The following SNUPN variants were observed in gnomAD, a reference collection of about 807,000 sequenced individuals.
SNUPN encodes the protein snurportin-1.
A neutral mutation model predicts 39.2 loss-of-function variants in SNUPN; 31 were observed. The ratio of observed to expected loss-of-function variants is 0.79; its 90% CI spans 0.59 to 1.07. The LOEUF is 1.07. SNUPN is among the 50% of genes least tolerant of loss of function. The pLI is 0.00. For synonymous variants in SNUPN, 132 were observed against 159.0 expected (o/e 0.83, Z 1.28); for missense variants, 382 against 434.2 (o/e 0.88, Z 1.07).
chr15:75,610,908 G>A (rs184167096), intron 3 of SNUPN, among the ~76,000 whole-genome samples: 24 of 152,180 alleles, frequency 1.6e-4, no homozygotes, highest in African/African-American at 5.5e-4. Flanking sequence ...GGTGGCTCAC[G>A]CCTGTAGTCC....
intron 8 of SNUPN, chr15:75,600,923 T>C (rs2075280500): frequency 2.1e-6 from 1 of 479,308 alleles, no homozygotes; most frequent in African/African-American, 2.0e-5. Context: ...GAGCTGTCCA[T>C]TAAGGGCCCT....
rs780178152 is a variant in SNUPN, at chr15:75,601,070, C to T, written c.759+68G>A. On this transcript the variant is annotated intron_variant, in intron 8 of 8. Coordinates refer to ENST00000308588, the MANE Select transcript of SNUPN (RefSeq NM_005701.4). ...AGCACAATCAAGGAATATTTTAAGA[C>T]TTTGTGTAACTAAGTCTCTCTGCAG... The T allele has an allele frequency of 1.7e-5, 19 of 1,132,052 alleles. No homozygotes were observed. In the African/African-American group the frequency reaches 2.7e-4, roughly 16 times the overall value. 70.1% of individuals were successfully genotyped at this position (1,132,052 alleles called of 1,614,324 possible).
intron 3 of SNUPN, among the ~76,000 whole-genome samples, chr15:75,615,565 C>T (rs1892902359): frequency 6.6e-6 from 1 of 151,602 alleles, no homozygotes; most frequent in Non-Finnish European, 1.5e-5. Context: ...TTCACACCCC[C>T]TCCTTCCTCC....
intron 3 of SNUPN, among the ~76,000 whole-genome samples, chr15:75,616,302 CA>C (rs1297825387): frequency 6.6e-6 from 1 of 151,704 alleles, no homozygotes; most frequent in East Asian, 2.0e-4. Context: ...ACTAAAAATA[CA>C]AAAACTTAGC....
intron 8 of SNUPN, among the ~76,000 whole-genome samples, chr15:75,599,488 C>A (rs1193412741): frequency 1.3e-5 from 2 of 152,200 alleles, no homozygotes; most frequent in African/African-American, 4.8e-5. Flanking sequence ...GATTGCTGCA[C>A]ACAGTGGAAA....
chr15:75,605,424 C>CG, intron 6 of SNUPN, 197 bp from the exon 7 acceptor site: 1 of 397,614 alleles, frequency 2.5e-6, no homozygotes, highest in Non-Finnish European at 4.6e-6. Context: ...CTCCTGCCTC[C>CG]CAAGTAGCTG....
intron 1 of SNUPN, among the ~76,000 whole-genome samples, chr15:75,624,185 C>T (rs1322760273): frequency 6.6e-6 from 1 of 150,594 alleles, no homozygotes; most frequent in African/African-American, 2.4e-5. Flanking sequence ...CCTCGGCCTC[C>T]CAAAGTGCTG....
intron 3 of SNUPN, among the ~76,000 whole-genome samples, chr15:75,610,576 C>A (rs1892754017): frequency 6.6e-6 from 1 of 152,048 alleles, no homozygotes; most frequent in Non-Finnish European, 1.5e-5. Flanking sequence ...ATGCTTACTG[C>A]CTCACCTCCC....
At chr15:75,607,382 G>C in intron 5 of SNUPN, 69 bp from the exon 6 acceptor site, 1 of 1,024,110 alleles carries the variant, frequency 9.8e-7, no homozygotes, top group South Asian at 1.3e-5. Flanking sequence ...CCACAACCTA[G>C]GGAGCCCCAT....
At chr15:75,606,788 T>C (rs1322624669) in intron 6 of SNUPN, among the ~76,000 whole-genome samples, 1 of 151,568 alleles carries the variant, frequency 6.6e-6, no homozygotes, top group African/African-American at 2.4e-5. Context: ...GGTGAAGGAG[T>C]GGAGGTTGCA....
chr15:75,611,208 T>A (rs1004257000), intron 3 of SNUPN, among the ~76,000 whole-genome samples: 1 of 150,086 alleles, frequency 6.7e-6, no homozygotes, highest in Non-Finnish European at 1.5e-5. Context: ...TCAATTAATC[T>A]CTCTCATTGA....
At chr15:75,604,925 T>C (rs189941250) in intron 7 of SNUPN, among the ~76,000 whole-genome samples, 7 of 152,306 alleles carry the variant, frequency 4.6e-5, no homozygotes, top group African/African-American at 1.4e-4. Context: ...CTTATGCCTT[T>C]ATATCCTCAT....
intron 2 of SNUPN, 55 bp downstream of exon 2, chr15:75,620,839 A>G: frequency 6.7e-7 from 1 of 1,501,584 alleles, no homozygotes; most frequent in Non-Finnish European, 9.2e-7. Flanking sequence ...AGCCTTCGGA[A>G]TGGTTCATAG....
intron 8 of SNUPN, among the ~76,000 whole-genome samples, chr15:75,599,855 T>C (rs1057396066): frequency 6.8e-6 from 1 of 148,092 alleles, no homozygotes; most frequent in Non-Finnish European, 1.5e-5. Flanking sequence ...TTTTTTTTTC[T>C]TTCTGAGATG....
intron 5 of SNUPN, 117 bp downstream of exon 5, chr15:75,609,441 G>A (rs372822821): frequency 2.4e-5 from 18 of 736,462 alleles, no homozygotes; most frequent in Middle Eastern, 2.4e-4. Context: ...CACCCGCCTC[G>A]GCCTCCCAAA....
chr15:75,625,320 C>T (rs1044827912), intron 1 of SNUPN: 2 of 150,546 alleles, frequency 1.3e-5, no homozygotes, highest in African/African-American at 4.9e-5. Context: ...TCCTGGCAGC[C>T]TCCGCGTTTC....
intron 1 of SNUPN, among the ~76,000 whole-genome samples, chr15:75,623,685 T>C (rs1006067136): frequency 2.0e-5 from 3 of 152,054 alleles, no homozygotes; most frequent in Non-Finnish European, 2.9e-5. Flanking sequence ...CCTGAAGTGA[T>C]CTGCCTGCCT....
At position 75,609,724 on chromosome 15, in the gene SNUPN, G is replaced by A. The variant is rs899106839; in HGVS notation, c.409-73C>T. ...CGCCCTCTTGCCTCCTCATTCTGCA[G>A]GAATGTTACTCGACCAAAGATGGCT... is the stretch of plus-strand genomic sequence containing the variant. On this transcript the variant is annotated intron_variant, in intron 4 of 8. Coordinates refer to ENST00000308588, the MANE Select transcript of SNUPN (RefSeq NM_005701.4). 8.0e-5 allele frequency: 100 copies of A among 1,251,680 alleles called. No homozygotes were observed. The African/African-American group carries it at 1.4e-3, about 17-fold the overall frequency. The allele number at this position is 1,251,680 out of a possible 1,614,324, so 77.5% of individuals were successfully genotyped here.
chr15:75,619,745 TTTTATTTA>T (rs754886555), intron 2 of SNUPN, among the ~76,000 whole-genome samples: 3 of 151,752 alleles, frequency 2.0e-5, no homozygotes, highest in African/African-American at 7.3e-5. Flanking sequence ...CTTCTATTTA[TTTTATTTA>T]TTTATTTATT....
Sources: gnomAD v4.1 joint callset for allele counts (sites outside exome capture counted in the v4.1 genomes callset) on GRCh38, gnomAD v4.1.1 for gene constraint, MANE v1.5 for transcripts, NCBI Gene and HGNC (gene_info 2026-07-23, HGNC 2026-07-21) for gene names.